Variants in GALNT13 observed in about 807,000 individuals in gnomAD.
GALNT13 encodes UDP-GalNAc:polypeptide N-acetylgalactosaminyltransferase 13.
GALNT13 carries 28 observed loss-of-function variants against 64.2 expected under a neutral mutation model. That is an observed-to-expected ratio of 0.44 (90% CI 0.32 to 0.60). The LOEUF is 0.60. GALNT13 is among the 20% of genes least tolerant of loss of function. GALNT13 has a pLI of 0.05. For missense variants in GALNT13, 577 were observed against 669.8 expected (o/e 0.86, Z 1.53); for synonymous variants, 214 against 224.6 (o/e 0.95, Z 0.42).
chr2:154,026,922 A>G (rs571992975), intron 3 of GALNT13, among the ~76,000 whole-genome samples: 58 of 152,154 alleles, frequency 3.8e-4, no homozygotes, highest in Non-Finnish European at 7.6e-4. Flanking sequence ...CGGAGAAGGA[A>G]TGGAAAAGGG....
rs1009702466 is a variant in GALNT13, at chr2:154,349,241, A to G, written c.1157-46750A>G. The stretch of plus-strand genomic sequence containing the variant: ...ATCATCATTAATAATTAGACACATA[A>G]TTGATGGGATATGTCATTAGATTTA... On this transcript the variant is annotated intron_variant, in intron 9 of 12. Coordinates refer to ENST00000392825, the MANE Select transcript of GALNT13 (RefSeq NM_052917.4). Among the ~76,000 whole-genome samples, 8 of 152,304 alleles carry G rather than the reference A, an allele frequency of 5.3e-5. No homozygotes were observed. In the East Asian group the frequency reaches 1.5e-3, roughly 29 times the overall value.
At chr2:154,450,325 G>T in intron 12 of GALNT13, 86 bp from the exon 13 acceptor site, 1 of 1,235,712 alleles carries the variant, frequency 8.1e-7, no homozygotes, top group South Asian at 1.5e-5. Flanking sequence ...AATCATAAAG[G>T]ATTTTTTAAA....
the GALNT13 span, among the ~76,000 whole-genome samples, chr2:153,515,653 A>T: frequency 6.6e-6 from 1 of 152,190 alleles, no homozygotes; most frequent in African/African-American, 2.4e-5. Context: ...TAGACGATTA[A>T]GTATATGATC....
intron 6 of GALNT13, among the ~76,000 whole-genome samples, chr2:154,244,589 T>G (rs1689674823): frequency 6.6e-6 from 1 of 152,170 alleles, no homozygotes; most frequent in South Asian, 2.1e-4. Flanking sequence ...CTACCAAATA[T>G]GAAAAACCAA....
At chr2:153,195,845 A>G in the GALNT13 span, among the ~76,000 whole-genome samples, 4 of 152,200 alleles carry the variant, frequency 2.6e-5, no homozygotes, top group Admixed American at 1.3e-4. Flanking sequence ...GAGTGATAGA[A>G]CAGCTCAGAG....
At chr2:153,935,990 A>G (rs1484337218) in intron 2 of GALNT13, among the ~76,000 whole-genome samples, 3 of 152,228 alleles carry the variant, frequency 2.0e-5, no homozygotes, top group Non-Finnish European at 4.4e-5. Flanking sequence ...ATTAAATGCA[A>G]GTGGAACAGA....
the GALNT13 span, among the ~76,000 whole-genome samples, chr2:153,388,568 C>A: frequency 4.6e-5 from 7 of 152,100 alleles, no homozygotes; most frequent in East Asian, 1.4e-3. Context: ...CTTCTAGCAA[C>A]CTACTAAAAA....
intron 2 of GALNT13, among the ~76,000 whole-genome samples, chr2:153,915,627 C>T (rs1398670495): frequency 1.3e-5 from 2 of 152,116 alleles, no homozygotes; most frequent in Non-Finnish European, 2.9e-5. Context: ...ATAGAGGAAG[C>T]CTGATCATTA....
the GALNT13 span, among the ~76,000 whole-genome samples, chr2:153,545,881 C>T: frequency 2.7e-3 from 408 of 152,308 alleles, 3 homozygotes; most frequent in African/African-American, 9.4e-3. Flanking sequence ...CTGCCCTGGT[C>T]AGGGCAAAGT....
the GALNT13 span, among the ~76,000 whole-genome samples, chr2:153,405,935 C>A: frequency 6.6e-6 from 1 of 152,070 alleles, no homozygotes; most frequent in Non-Finnish European, 1.5e-5. Flanking sequence ...AGTTAGAGAG[C>A]GCTTCGTAGG....
At chr2:153,476,894 G>A in the GALNT13 span, among the ~76,000 whole-genome samples, 7 of 151,612 alleles carry the variant, frequency 4.6e-5, no homozygotes, top group Non-Finnish European at 8.8e-5. Flanking sequence ...GGCCCCACCC[G>A]TGGGCAGCAT....
the GALNT13 span, among the ~76,000 whole-genome samples, chr2:153,164,924 T>A: frequency 9.8e-3 from 1,491 of 152,346 alleles, 9 homozygotes; most frequent in Middle Eastern, 0.024. Context: ...TTTGAAAGTA[T>A]TCATTTCTCC....
the GALNT13 span, chr2:153,593,405 C>G: frequency 1.3e-5 from 2 of 152,326 alleles, no homozygotes; most frequent in African/African-American, 2.4e-5. Context: ...ACCCCCATCC[C>G]CCACAGCAGC....
chr2:154,298,617 ATATACATTG>A, intron 8 of GALNT13, among the ~76,000 whole-genome samples: 1 of 71,616 alleles, frequency 1.4e-5, no homozygotes, highest in Non-Finnish European at 2.9e-5. Flanking sequence ...ATTAATTTAT[ATATACATTG>A]TATATATAAT....
chr2:153,079,949 A>C, the GALNT13 span, among the ~76,000 whole-genome samples: 1 of 152,220 alleles, frequency 6.6e-6, no homozygotes, highest in Non-Finnish European at 1.5e-5. Flanking sequence ...AAAGCATCAG[A>C]ATATAGAAAA....
At chr2:153,944,666 C>T (rs768783530) in intron 3 of GALNT13, 27 bp downstream of exon 3, 5 of 1,575,240 alleles carry the variant, frequency 3.2e-6, no homozygotes, top group South Asian at 1.2e-5. Flanking sequence ...CAAATACTGT[C>T]TTTATAGAGA....
At chr2:153,432,965 C>T in the GALNT13 span, among the ~76,000 whole-genome samples, 1 of 151,798 alleles carries the variant, frequency 6.6e-6, no homozygotes, top group Non-Finnish European at 1.5e-5. Context: ...TTCTTGGGGG[C>T]TAAACACACA....
intron 1 of GALNT13, among the ~76,000 whole-genome samples, chr2:153,884,896 G>A (rs912761025): frequency 1.8e-4 from 25 of 140,696 alleles, no homozygotes; most frequent in Non-Finnish European, 3.6e-4. Context: ...TTTTTTAGCC[G>A]AGCGTCGTGG....
chr2:154,229,498 C>G (rs1688803443), intron 4 of GALNT13, among the ~76,000 whole-genome samples: 1 of 152,064 alleles, frequency 6.6e-6, no homozygotes, highest in Non-Finnish European at 1.5e-5. Context: ...TTTCCACACA[C>G]TTCAGAATGA....
Sources: allele counts gnomAD v4.1 joint callset (sites outside exome capture counted in the v4.1 genomes callset), GRCh38; gene constraint gnomAD v4.1.1; transcripts MANE v1.5; gene names NCBI Gene and HGNC (gene_info 2026-07-23, HGNC 2026-07-21).